The following KCNIP4 variants were observed in gnomAD, a reference collection of about 807,000 sequenced individuals.
KCNIP4 encodes Kv channel-interacting protein 4.
In KCNIP4, 12 loss-of-function variants were observed where a neutral mutation model predicts 34.0. The ratio of observed to expected loss-of-function variants is 0.35; its 90% CI spans 0.23 to 0.57. The LOEUF (loss-of-function observed/expected upper bound fraction) is 0.57, where lower values mean the gene tolerates loss of function less well. Ranked by LOEUF, KCNIP4 falls within the 20% of genes least tolerant of loss-of-function variation. The pLI, the probability that KCNIP4 is intolerant of heterozygous loss-of-function variation, is 0.83. For missense variants in KCNIP4, 238 were observed against 311.7 expected (o/e 0.76, Z 1.78); for synonymous variants, 124 against 102.2 (o/e 1.21, Z -1.29).
chr4:21,864,277 T>C (rs904766544), intron 1 of KCNIP4, among the ~76,000 whole-genome samples: 1 of 152,190 alleles, frequency 6.6e-6, no homozygotes, highest in African/African-American at 2.4e-5. Flanking sequence ...TCTCAAACGT[T>C]TATAAGCAAG....
At chr4:21,130,369 C>A (rs1038037037) in intron 1 of KCNIP4, among the ~76,000 whole-genome samples, 3 of 152,154 alleles carry the variant, frequency 2.0e-5, no homozygotes, top group African/African-American at 7.2e-5. Flanking sequence ...GTTAAAATTT[C>A]TTTCTTTCTC....
chr4:21,247,908 TACAC>T (rs1553845781), intron 1 of KCNIP4, among the ~76,000 whole-genome samples: 2 of 130,914 alleles, frequency 1.5e-5, no homozygotes, highest in Middle Eastern at 3.8e-3. Flanking sequence ...TATATATATA[TACAC>T]ACACACACAT....
At chr4:21,452,084 C>T (rs1487747550) in intron 1 of KCNIP4, among the ~76,000 whole-genome samples, 1 of 152,048 alleles carries the variant, frequency 6.6e-6, no homozygotes, top group Non-Finnish European at 1.5e-5. Flanking sequence ...TAATTTACCT[C>T]CCTAACTGCT....
chr4:21,639,322 A>G (rs1746441322), intron 1 of KCNIP4, among the ~76,000 whole-genome samples: 1 of 152,212 alleles, frequency 6.6e-6, no homozygotes, highest in South Asian at 2.1e-4. Flanking sequence ...CTAATTACAG[A>G]ACTGAAAAAT....
intron 1 of KCNIP4, among the ~76,000 whole-genome samples, chr4:21,666,893 C>T (rs1335066024): frequency 6.6e-6 from 1 of 152,158 alleles, no homozygotes; most frequent in African/African-American, 2.4e-5. Context: ...CAACTTCAGA[C>T]CTTTCTAAAT....
At chr4:20,997,628 T>C (rs941770047) in intron 1 of KCNIP4, among the ~76,000 whole-genome samples, 1 of 152,202 alleles carries the variant, frequency 6.6e-6, no homozygotes, top group African/African-American at 2.4e-5. Flanking sequence ...GACCTCTACC[T>C]GAGAGGGCTG....
At position 20,942,542 on chromosome 4, in the gene KCNIP4, C is replaced by T. The variant is rs535573316; in HGVS notation, c.62-59833G>A. 3.0e-4 allele frequency among the ~76,000 whole-genome samples: 46 copies of T among 152,260 alleles called. 1 individual carries two copies. The East Asian group carries it at 8.5e-3, about 28-fold the overall frequency. ...TTTGGTCCCCACCACACAACTATGA[C>T]GTAGGGCCATTATTATCCACAGTGC... On this transcript the variant is annotated intron_variant, in intron 1 of 8. Transcript: ENST00000382152.
At chr4:21,784,955 A>T (rs1232012709) in intron 1 of KCNIP4, among the ~76,000 whole-genome samples, 1 of 152,224 alleles carries the variant, frequency 6.6e-6, no homozygotes, top group Admixed American at 6.5e-5. Context: ...AAAATAGCTG[A>T]TGTACAGCAG....
At chr4:21,402,849 T>C (rs562333630) in intron 1 of KCNIP4, among the ~76,000 whole-genome samples, 27 of 152,276 alleles carry the variant, frequency 1.8e-4, no homozygotes, top group African/African-American at 6.0e-4. Context: ...CATATAAGCA[T>C]TCTATAATAC....
intron 1 of KCNIP4, among the ~76,000 whole-genome samples, chr4:21,401,492 G>A (rs1335517072): frequency 6.6e-6 from 1 of 152,150 alleles, no homozygotes; most frequent in Non-Finnish European, 1.5e-5. Context: ...AAACTCAGCA[G>A]CAAGTTAATT....
intron 1 of KCNIP4, among the ~76,000 whole-genome samples, chr4:21,786,320 A>C (rs1368411616): frequency 6.6e-6 from 1 of 152,134 alleles, no homozygotes; most frequent in Admixed American, 6.5e-5. Flanking sequence ...ACCTTTTGAG[A>C]TACTTGTCCA....
chr4:20,969,548 G>A (rs528816477), intron 1 of KCNIP4, among the ~76,000 whole-genome samples: 19 of 132,920 alleles, frequency 1.4e-4, no homozygotes, highest in African/African-American at 2.9e-4. Context: ...AATTTGCTGC[G>A]TGTGTGTTTG....
At chr4:21,893,370 C>T (rs1727213967) in intron 1 of KCNIP4, among the ~76,000 whole-genome samples, 1 of 152,172 alleles carries the variant, frequency 6.6e-6, no homozygotes, top group South Asian at 2.1e-4. Context: ...TATAACGTTT[C>T]TTCTGACATC....
chr4:21,269,359 T>C (rs957280194), intron 1 of KCNIP4, among the ~76,000 whole-genome samples: 3 of 152,166 alleles, frequency 2.0e-5, no homozygotes, highest in African/African-American at 7.2e-5. Context: ...GGAGTCTGTC[T>C]CTATGTTTTT....
At chr4:21,008,017 CCT>C (rs901387918) in intron 1 of KCNIP4, among the ~76,000 whole-genome samples, 5 of 152,122 alleles carry the variant, frequency 3.3e-5, no homozygotes, top group Non-Finnish European at 7.4e-5. Context: ...AAATGTCCCC[CCT>C]GTCTGGGATG....
chr4:20,735,060 CTAA>C (rs1311405112), intron 5 of KCNIP4, among the ~76,000 whole-genome samples: 3 of 152,114 alleles, frequency 2.0e-5, no homozygotes, highest in African/African-American at 7.2e-5. Flanking sequence ...CTAAAAGAAT[CTAA>C]TAATAGTTTT....
intron 1 of KCNIP4, among the ~76,000 whole-genome samples, chr4:21,645,621 T>A (rs1428220435): frequency 6.6e-6 from 1 of 152,260 alleles, no homozygotes; most frequent in East Asian, 1.9e-4. Flanking sequence ...TAGGCTCTTG[T>A]GTGGGACAGT....
At chr4:20,735,655 G>C (rs1749450450) in intron 5 of KCNIP4, among the ~76,000 whole-genome samples, 1 of 150,410 alleles carries the variant, frequency 6.6e-6, no homozygotes, top group Non-Finnish European at 1.5e-5. Context: ...TTCTGCCTCA[G>C]CCTCCCGAGT....
At chr4:21,327,575 A>G (rs1023146527) in intron 1 of KCNIP4, among the ~76,000 whole-genome samples, 2 of 152,038 alleles carry the variant, frequency 1.3e-5, no homozygotes, top group African/African-American at 4.8e-5. Flanking sequence ...TTGTACTTGA[A>G]TAATATCTTT....
Sources: allele counts gnomAD v4.1 joint callset (sites outside exome capture counted in the v4.1 genomes callset), GRCh38; gene constraint gnomAD v4.1.1; transcripts MANE v1.5; gene names NCBI Gene and HGNC (gene_info 2026-07-23, HGNC 2026-07-21).